LRIG2: variants seen among roughly 807,000 people sequenced by gnomAD.
The protein encoded by LRIG2 is leucine rich repeats and immunoglobulin like domains 2.
Under a neutral mutation model 107.8 loss-of-function variants are expected in LRIG2, and 93 were observed. That is an observed-to-expected ratio of 0.86 (90% CI 0.73 to 1.03). The LOEUF (loss-of-function observed/expected upper bound fraction) is 1.03. Among genes scored for constraint, LRIG2 ranks in the 50% least tolerant of loss-of-function variants. The pLI is 0.00. For synonymous variants in LRIG2, 471 were observed against 470.6 expected (o/e 1.00, Z -0.01); for missense variants, 1,226 against 1,296.0 (o/e 0.95, Z 0.83).
chr1:113,100,307 T>A (rs757709879), intron 10 of LRIG2, 25 bp downstream of exon 10: 1 of 1,559,350 alleles, frequency 6.4e-7, no homozygotes, highest in Non-Finnish European at 8.8e-7. Context: ...TACATTTTGC[T>A]TACTCTATAA....
Position 113,120,462 on chromosome 1 carries a change from A to C in LRIG2, c.2971+939A>C, listed in dbSNP as rs1192071987. ...GACTCTGTCTCCAAAAAATAGTAAT[A>C]ATAAAATTTGGGCATAATTTGGTGA... On this transcript the variant is annotated intron_variant, in intron 17 of 17. Transcript: ENST00000361127. Among the ~76,000 whole-genome samples the C allele has an allele frequency of 2.0e-5, 3 of 151,768 alleles. No homozygotes were observed. In the East Asian group the frequency reaches 5.9e-4, roughly 30 times the overall value.
chr1:113,100,173 G>T, intron 9 of LRIG2, 38 bp from the exon 10 acceptor site: 1 of 1,269,024 alleles, frequency 7.9e-7, no homozygotes, highest in South Asian at 1.4e-5. Context: ...ATTTTGTTTA[G>T]TGGAGAGCTT....
rs1653958414 is a variant in LRIG2 at position 113,094,435 on chromosome 1, G to A, written c.612G>A (p.Met204Ile). 6.2e-7 allele frequency: 1 copy of A among 1,613,232 alleles called. No individual in the cohort carries two copies. Among genetic ancestry groups the A allele is most frequent in the Non-Finnish European group, 8.5e-7 (1 of 1,179,854 alleles). ...TGGTAAAGTTAAACCGTAACCGAAT[G>A]AGCATGATTCCACCTAAGATCTTCA... Reference protein sequence around the residue: ...LLVVKLNRNRMSMIPPKIFKL... With the variant: ...LLVVKLNRNRISMIPPKIFKL... The change falls in exon 5 of 18, where the codon ATG becomes ATA. Residue 204 changes from methionine to isoleucine, a missense_variant. Transcript: ENST00000361127.
chr1:113,088,399 G>C lies in LRIG2; in HGVS notation c.240-2919G>C, dbSNP rs145680370. 2.4e-4 allele frequency among the ~76,000 whole-genome samples: 37 copies of C among 152,192 alleles called. No homozygotes were observed. The East Asian group carries it at 7.1e-3, about 29-fold the overall frequency. On this transcript the variant is annotated intron_variant, in intron 1 of 17. Transcript: ENST00000361127. Reference sequence around the variant, plus strand: ...TACCAAATACTAAGTTATTTATAACGTATAAATTGAGTTTCATTTTATTGC... The same window carrying C: ...TACCAAATACTAAGTTATTTATAACCTATAAATTGAGTTTCATTTTATTGC...
chr1:113,081,235 A>G (rs1341124978), intron 1 of LRIG2, among the ~76,000 whole-genome samples: 1 of 152,098 alleles, frequency 6.6e-6, no homozygotes, highest in Non-Finnish European at 1.5e-5. Context: ...ATCCACAAGT[A>G]ATCTTTCATT....
chr1:113,087,253 G>A (rs939275436), intron 1 of LRIG2, among the ~76,000 whole-genome samples: 1 of 152,218 alleles, frequency 6.6e-6, no homozygotes. Context: ...ACATTGGGAA[G>A]AACAGTGAGA....
chr1:113,107,268 A>T (rs969041893), intron 11 of LRIG2, among the ~76,000 whole-genome samples: 5 of 152,150 alleles, frequency 3.3e-5, no homozygotes, highest in African/African-American at 1.2e-4. Context: ...CAGAGTCCAT[A>T]CTCAAATTTC....
In LRIG2 at chr1:113,093,204, A is replaced by G. The variant is rs1364461144; in HGVS notation, c.306-2A>G. 16 of 1,580,192 alleles carry G rather than the reference A, an allele frequency of 1.0e-5. No homozygotes were observed. Among genetic ancestry groups the G allele is most frequent in the Non-Finnish European group, 1.3e-5 (15 of 1,156,546 alleles). ...TTTAAATCTGTTTTTCCTCTTGCCT[A>G]GGAAAATGAATTACAATGAACTAAC... is the stretch of plus-strand genomic sequence containing the variant. On this transcript the variant is annotated splice_acceptor_variant, in intron 2 of 17. Coordinates refer to ENST00000361127, the MANE Select transcript of LRIG2 (RefSeq NM_014813.3). LOFTEE classifies it high-confidence loss of function.
In LRIG2 at chr1:113,127,799, C is replaced by G. The variant is rs1655543316; in HGVS notation, c.*3698C>G. The G allele has an allele frequency of 6.6e-6, 1 of 152,048 alleles. No homozygotes were observed. Among genetic ancestry groups the G allele is most frequent in the Admixed American group, 6.6e-5 (1 of 15,244 alleles). 9.4% of individuals were successfully genotyped at this position (152,048 alleles called of 1,614,324 possible). A position where few individuals can be genotyped will look rare whatever the true frequency, so the allele number is the denominator to read the frequency against. Reference sequence around the variant, plus strand: ...GTCAGGCTGGCCTCGAACTCCTGACCTCAGGTGATCCACCCGCCTCGGCCT... The same window carrying G: ...GTCAGGCTGGCCTCGAACTCCTGACGTCAGGTGATCCACCCGCCTCGGCCT... On this transcript the variant is annotated 3_prime_UTR_variant, in exon 18 of 18. Transcript: ENST00000361127.
intron 1 of LRIG2, among the ~76,000 whole-genome samples, chr1:113,079,182 CA>C (rs549095372): frequency 6.6e-6 from 1 of 151,190 alleles, no homozygotes; most frequent in African/African-American, 2.4e-5. Context: ...CACTGTCTGT[CA>C]AAAAAAGTGC....
rs1240366907 is a variant in LRIG2, at chr1:113,124,137, T to C, written c.*36T>C. The C allele has an allele frequency of 1.9e-5, 30 of 1,582,398 alleles. No homozygotes were observed. Among genetic ancestry groups the C allele is most frequent in the Non-Finnish European group, 2.3e-5 (27 of 1,152,974 alleles). Reference sequence around the variant, plus strand: ...AGGATGAAATCTGGGCAGAGACTTATTAATTAATTTTGCATTTACTACCTC... The same window carrying C: ...AGGATGAAATCTGGGCAGAGACTTACTAATTAATTTTGCATTTACTACCTC... On this transcript the variant is annotated 3_prime_UTR_variant, in exon 18 of 18. Coordinates refer to ENST00000361127, the MANE Select transcript of LRIG2 (RefSeq NM_014813.3).
At chr1:113,117,508 G>T (rs1655069703) in intron 16 of LRIG2, among the ~76,000 whole-genome samples, 1 of 152,088 alleles carries the variant, frequency 6.6e-6, no homozygotes. Flanking sequence ...TTTTGAGAAA[G>T]CGTCTCATTC....
chr1:113,090,878 A>G (rs1241907784), intron 1 of LRIG2, among the ~76,000 whole-genome samples: 1 of 151,208 alleles, frequency 6.6e-6, no homozygotes, highest in Non-Finnish European at 1.5e-5. Context: ...TTGAGACAGA[A>G]TCTTGCTCTG....
chr1:113,104,913 C>T lies in LRIG2; in HGVS notation c.1314-2681C>T, dbSNP rs1471289767. 7.2e-5 allele frequency among the ~76,000 whole-genome samples: 11 copies of T among 152,150 alleles called. No homozygotes were observed. The South Asian group carries it at 1.7e-3, about 23-fold the overall frequency. The stretch of plus-strand genomic sequence containing the variant: ...CTGTAATCCCAGTACTTTGGGAGGC[C>T]GAGGCGGGCAGATCACGAGGTCATG... On this transcript the variant is annotated intron_variant, in intron 11 of 17. Coordinates refer to ENST00000361127, the MANE Select transcript of LRIG2 (RefSeq NM_014813.3).
chr1:113,079,116 C>T (rs1231757654), intron 1 of LRIG2, among the ~76,000 whole-genome samples: 1 of 151,218 alleles, frequency 6.6e-6, no homozygotes, highest in South Asian at 2.1e-4. Context: ...AAGCTGAGGC[C>T]GGCTGATCAC....
intron 13 of LRIG2, among the ~76,000 whole-genome samples, chr1:113,111,761 G>A (rs935158074): frequency 6.7e-6 from 1 of 149,582 alleles, no homozygotes; most frequent in South Asian, 2.1e-4. Flanking sequence ...ACTTTTGAAG[G>A]CATAAGTTTT....
At chr1:113,074,178 A>G (rs1371317771) in intron 1 of LRIG2, among the ~76,000 whole-genome samples, 2 of 152,208 alleles carry the variant, frequency 1.3e-5, no homozygotes, top group Non-Finnish European at 2.9e-5. Flanking sequence ...AACAGGGTTG[A>G]AAAGTTCATT....
intron 1 of LRIG2, among the ~76,000 whole-genome samples, chr1:113,087,120 G>A (rs535754851): frequency 6.6e-6 from 1 of 152,212 alleles, no homozygotes; most frequent in East Asian, 1.9e-4. Context: ...TTCAGCCTAG[G>A]CAACAGAGCT....
intron 1 of LRIG2, among the ~76,000 whole-genome samples, chr1:113,074,431 T>A (rs1029248250): frequency 4.6e-5 from 7 of 152,206 alleles, no homozygotes; most frequent in African/African-American, 1.7e-4. Flanking sequence ...TTGACAGGTC[T>A]TTATTAGACA....
Sources: gnomAD v4.1 joint callset for allele counts (sites outside exome capture counted in the v4.1 genomes callset) on GRCh38, gnomAD v4.1.1 for gene constraint, MANE v1.5 for transcripts, NCBI Gene and HGNC (gene_info 2026-07-23, HGNC 2026-07-21) for gene names.